TASP1: variants seen among roughly 807,000 people sequenced by gnomAD.
The protein encoded by TASP1 is taspase 1.
TASP1 carries 16 observed loss-of-function variants against 56.6 expected under a neutral mutation model. The observed-to-expected ratio is 0.28, with a 90% CI of 0.19 to 0.43. The LOEUF (loss-of-function observed/expected upper bound fraction) is 0.43, where lower values mean the gene tolerates loss of function less well. TASP1 is among the 20% of genes least tolerant of loss of function. The probability of loss-of-function intolerance (pLI) is 1.00; values close to 1 mark genes in which losing one functional copy is unlikely to be tolerated. For synonymous variants in TASP1, 179 were observed against 184.2 expected (o/e 0.97, Z 0.23); for missense variants, 393 against 511.6 (o/e 0.77, Z 2.24).
At chr20:13,198,216 T>C in the TASP1 span, among the ~76,000 whole-genome samples, 1 of 151,990 alleles carries the variant, frequency 6.6e-6, no homozygotes, top group African/African-American at 2.4e-5. Context: ...TATAAATAAA[T>C]AATGGGAATT....
At position 13,424,209 on chromosome 20, in the gene TASP1, C is replaced by T. The variant is rs193195675; in HGVS notation, c.1097-6688G>A. On this transcript the variant is annotated intron_variant, in intron 12 of 13. Transcript: ENST00000337743. ...ACATTTGTGAGTAAGTTTTATCTCA[C>T]AAAAAAGCTTTCAAAATGTGTTATT... Among the ~76,000 whole-genome samples the T allele has an allele frequency of 1.3e-3, 203 of 151,984 alleles. 1 individual carries two copies. The highest frequency in any genetic ancestry group is 1.9e-3 in the South Asian group (9 of 4,820).
chr20:13,158,060 A>G, the TASP1 span, among the ~76,000 whole-genome samples: 1 of 152,252 alleles, frequency 6.6e-6, no homozygotes, highest in Non-Finnish European at 1.5e-5. Flanking sequence ...ACATACACTT[A>G]AACAATCAAG....
intron 10 of TASP1, among the ~76,000 whole-genome samples, chr20:13,503,865 T>C (rs921823454): frequency 6.6e-6 from 1 of 151,876 alleles, no homozygotes; most frequent in Non-Finnish European, 1.5e-5. Context: ...AAAGAATCAA[T>C]CTGATAAAGA....
chr20:13,637,899 T>C (rs1254244691), intron 1 of TASP1, among the ~76,000 whole-genome samples: 1 of 152,244 alleles, frequency 6.6e-6, no homozygotes, highest in Non-Finnish European at 1.5e-5. Flanking sequence ...CATGAATACC[T>C]TAATAAGACT....
chr20:13,433,155 T>C (rs1167415960), intron 12 of TASP1, among the ~76,000 whole-genome samples: 1 of 152,100 alleles, frequency 6.6e-6, no homozygotes, highest in Non-Finnish European at 1.5e-5. Flanking sequence ...AGCTCTGGTG[T>C]GTGATGTTCC....
At chr20:13,398,328 T>C (rs1262152112) in intron 13 of TASP1, among the ~76,000 whole-genome samples, 2 of 151,990 alleles carry the variant, frequency 1.3e-5, no homozygotes, top group Admixed American at 1.3e-4. Context: ...GAAAGCAGCA[T>C]TTCTCAAGCT....
At chr20:13,594,095 G>A (rs1426432884) in intron 4 of TASP1, among the ~76,000 whole-genome samples, 1 of 152,202 alleles carries the variant, frequency 6.6e-6, no homozygotes, top group African/African-American at 2.4e-5. Flanking sequence ...GGTCTGGAGT[G>A]GACCTCTAGC....
chr20:13,236,428 C>T, the TASP1 span, among the ~76,000 whole-genome samples: 1 of 152,098 alleles, frequency 6.6e-6, no homozygotes, highest in East Asian at 1.9e-4. Flanking sequence ...AGAAACAATT[C>T]GGTTGAGATT....
the TASP1 span, among the ~76,000 whole-genome samples, chr20:13,212,143 A>G: frequency 1.3e-5 from 2 of 152,118 alleles, no homozygotes; most frequent in African/African-American, 4.8e-5. Context: ...CTGTTCTTGC[A>G]GTTGGGTGGG....
the TASP1 span, among the ~76,000 whole-genome samples, chr20:13,110,825 T>A: frequency 3.3e-5 from 5 of 151,942 alleles, no homozygotes; most frequent in African/African-American, 1.2e-4. Flanking sequence ...TCTCAAACAA[T>A]CCTGACGTTA....
At chr20:13,581,178 GAAGAA>G (rs1459372353) in intron 5 of TASP1, among the ~76,000 whole-genome samples, 197 bp from the exon 6 acceptor site, 1 of 152,038 alleles carries the variant, frequency 6.6e-6, no homozygotes, top group Admixed American at 6.6e-5. Context: ...TGAAAACCTA[GAAGAA>G]AAGAACGAAT....
intron 4 of TASP1, among the ~76,000 whole-genome samples, chr20:13,621,645 A>G (rs1400953624): frequency 6.6e-6 from 1 of 152,208 alleles, no homozygotes; most frequent in African/African-American, 2.4e-5. Context: ...GGAGAAACTC[A>G]TTATTTCAAA....
chr20:13,209,533 T>C, the TASP1 span, among the ~76,000 whole-genome samples: 1 of 152,224 alleles, frequency 6.6e-6, no homozygotes, highest in African/African-American at 2.4e-5. Context: ...TTCCATTATA[T>C]TGACTTCTTA....
At chr20:13,304,664 T>C in the TASP1 span, among the ~76,000 whole-genome samples, 1 of 152,192 alleles carries the variant, frequency 6.6e-6, no homozygotes, top group Non-Finnish European at 1.5e-5. Context: ...GTCAGTCAAC[T>C]GTTTGGTGAT....
the TASP1 span, among the ~76,000 whole-genome samples, chr20:13,346,177 G>C: frequency 2.6e-5 from 4 of 152,286 alleles, no homozygotes; most frequent in South Asian, 8.3e-4. Flanking sequence ...CTGAGCTTTT[G>C]ATTTCTAGAG....
chr20:13,508,190 A>AT (rs58400670), intron 10 of TASP1, among the ~76,000 whole-genome samples: 4,662 of 148,758 alleles, frequency 0.031, 229 homozygotes, highest in African/African-American at 0.1. Flanking sequence ...GTTGGAAATG[A>AT]TTTTTTTTTT....
chr20:13,173,536 C>A, the TASP1 span, among the ~76,000 whole-genome samples: 2 of 152,168 alleles, frequency 1.3e-5, no homozygotes, highest in Non-Finnish European at 2.9e-5. Flanking sequence ...AGCAAAGGCA[C>A]CTTTGAAATG....
the TASP1 span, among the ~76,000 whole-genome samples, chr20:13,332,467 G>A: frequency 1.1e-4 from 16 of 152,276 alleles, no homozygotes; most frequent in Admixed American, 9.1e-4. Context: ...TGCAATGCCA[G>A]TTTTAAATGC....
chr20:13,333,464 G>T, the TASP1 span, among the ~76,000 whole-genome samples: 2 of 152,164 alleles, frequency 1.3e-5, no homozygotes, highest in African/African-American at 4.8e-5. Context: ...TTAGGGAAAG[G>T]TCAGTTATGT....
Sources: gnomAD v4.1 joint callset for allele counts (sites outside exome capture counted in the v4.1 genomes callset) on GRCh38, gnomAD v4.1.1 for gene constraint, MANE v1.5 for transcripts, NCBI Gene and HGNC (gene_info 2026-07-23, HGNC 2026-07-21) for gene names.